Variants in N4BP1 observed in about 807,000 individuals in gnomAD.
N4BP1 encodes the protein NEDD4-binding protein 1.
A neutral mutation model predicts 70.9 loss-of-function variants in N4BP1; 21 were observed. The ratio of observed to expected loss-of-function variants is 0.30; its 90% CI spans 0.21 to 0.43. The LOEUF is 0.43. Ranked by LOEUF, N4BP1 falls within the 20% of genes least tolerant of loss-of-function variation. N4BP1 has a pLI of 1.00. For missense variants in N4BP1, 936 were observed against 1,069.4 expected, an observed-to-expected ratio of 0.88 and a Z score of 1.74; for synonymous variants, 387 against 394.6, an observed-to-expected ratio of 0.98 and a Z score of 0.23.
chr16:48,573,232 A>G (rs1964047839), intron 1 of N4BP1, among the ~76,000 whole-genome samples: 1 of 152,180 alleles, frequency 6.6e-6, no homozygotes, highest in Non-Finnish European at 1.5e-5. Context: ...ACTATATTGG[A>G]AAAACTGGGA....
At chr16:48,549,782 G>A (rs1165494643) in intron 4 of N4BP1, among the ~76,000 whole-genome samples, 2 of 152,160 alleles carry the variant, frequency 1.3e-5, no homozygotes, top group African/African-American at 2.4e-5. Flanking sequence ...CCTCTGCCCA[G>A]GCCCTCTTTT....
At chr16:48,568,947 C>G (rs1213602813) in intron 1 of N4BP1, among the ~76,000 whole-genome samples, 1 of 152,216 alleles carries the variant, frequency 6.6e-6, no homozygotes, top group Admixed American at 6.5e-5. Flanking sequence ...CTTGAAATGT[C>G]TTCAGCAGTT....
At chr16:48,602,699 C>A (rs529889668) in intron 1 of N4BP1, among the ~76,000 whole-genome samples, 50 of 152,174 alleles carry the variant, frequency 3.3e-4, no homozygotes, top group African/African-American at 1.1e-3. Flanking sequence ...CCCAGTATTA[C>A]ATCTATGAAT....
intron 1 of N4BP1, among the ~76,000 whole-genome samples, chr16:48,603,963 G>C (rs1411734531): frequency 6.6e-6 from 1 of 152,150 alleles, no homozygotes; most frequent in East Asian, 1.9e-4. Flanking sequence ...TTGCACTTCA[G>C]ACCCCCTTAC....
intron 1 of N4BP1, among the ~76,000 whole-genome samples, chr16:48,572,518 G>A (rs34796667): frequency 0.059 from 8,928 of 152,026 alleles, 398 homozygotes; most frequent in Admixed American, 0.12. Context: ...ATTACATATC[G>A]CATACAATAT....
At chr16:48,560,672 TA>T in intron 2 of N4BP1, 81 bp downstream of exon 2, 2 of 1,502,614 alleles carry the variant, frequency 1.3e-6, no homozygotes, top group South Asian at 2.7e-5. Flanking sequence ...AACATGTATG[TA>T]TAGTTCCCAT....
In N4BP1 at chr16:48,576,381, G is replaced by A. The variant is rs117097463; in HGVS notation, c.199-13937C>T. 7.5e-3 allele frequency among the ~76,000 whole-genome samples: 1,138 copies of A among 152,206 alleles called. 8 individuals are homozygous for A. Among genetic ancestry groups the A allele is most frequent in the Non-Finnish European group, 0.012 (826 of 68,014 alleles). On this transcript the variant is annotated intron_variant, in intron 1 of 6. Coordinates refer to ENST00000262384, the MANE Select transcript of N4BP1 (RefSeq NM_153029.4). Reference sequence around the variant, plus strand: ...CTATGAAGTTCATTCCTGGAAGGGTGCTTATCTGCCCCATAGGAAAGGACT... The same window carrying A: ...CTATGAAGTTCATTCCTGGAAGGGTACTTATCTGCCCCATAGGAAAGGACT...
intron 1 of N4BP1, among the ~76,000 whole-genome samples, chr16:48,577,223 T>G (rs943788871): frequency 2.0e-5 from 3 of 152,148 alleles, no homozygotes; most frequent in Admixed American, 2.0e-4. Context: ...CTGCTTGGAC[T>G]GTATGTAACA....
At chr16:48,549,320 G>C (rs550933801) in intron 4 of N4BP1, among the ~76,000 whole-genome samples, 1 of 152,208 alleles carries the variant, frequency 6.6e-6, no homozygotes, top group Non-Finnish European at 1.5e-5. Context: ...GGTGTGAGTT[G>C]TAAGTGGTAA....
chr16:48,554,558 TG>T (rs1325695532), intron 2 of N4BP1, among the ~76,000 whole-genome samples: 6 of 152,134 alleles, frequency 3.9e-5, no homozygotes. Flanking sequence ...TGTCTACTCA[TG>T]GGTATTAGAA....
Position 48,543,248 on chromosome 16 carries a change from G to A in N4BP1, c.2347C>T (p.Leu783=). The change falls in exon 7 of 7, where the codon CTA becomes TTA. Residue 783 remains leucine, a synonymous_variant. Transcript: ENST00000262384. ...CCCACATTTGGCAGGGCACTGAGTA[G>A]GGGCTGCATATCTCTGTGAATGGAA... The part of the protein sequence containing the change: ...KEVCLRDMQP[L]LSALPNVGMF... The A allele has an allele frequency of 6.6e-7, 1 of 1,524,648 alleles. No homozygotes were observed. Among genetic ancestry groups the A allele is most frequent in the Non-Finnish European group, 8.8e-7 (1 of 1,136,352 alleles). The allele number at this position is 1,524,648 out of a possible 1,614,324, so 94.4% of individuals were successfully genotyped here. A position where few individuals can be genotyped will look rare whatever the true frequency, so the allele number is the denominator to read the frequency against.
At chr16:48,567,584 G>A (rs1376381410) in intron 1 of N4BP1, among the ~76,000 whole-genome samples, 3 of 152,132 alleles carry the variant, frequency 2.0e-5, no homozygotes, top group African/African-American at 7.2e-5. Context: ...CTCCCAAAGT[G>A]CTGGGATTAC....
In N4BP1 at chr16:48,597,757, T is replaced by C. The variant is rs546131395; in HGVS notation, c.198+12018A>G. ...GAGTCAGATTTGAGGTTTCCTCATG[T>C]CTCGTCATCTAGTGGCCCTACAAAT... On this transcript the variant is annotated intron_variant, in intron 1 of 6. Coordinates refer to ENST00000262384, the MANE Select transcript of N4BP1 (RefSeq NM_153029.4). 2.8e-4 allele frequency among the ~76,000 whole-genome samples: 42 copies of C among 152,232 alleles called. 1 individual carries two copies. The highest frequency in any genetic ancestry group is 9.6e-4 in the African/African-American group (40 of 41,542).
At chr16:48,559,490 T>A (rs959233200) in intron 2 of N4BP1, among the ~76,000 whole-genome samples, 2 of 152,174 alleles carry the variant, frequency 1.3e-5, no homozygotes, top group African/African-American at 4.8e-5. Flanking sequence ...TAAATTAAAT[T>A]TGGCCTAAAG....
chr16:48,580,205 A>G (rs1000935798), intron 1 of N4BP1, among the ~76,000 whole-genome samples: 1 of 152,124 alleles, frequency 6.6e-6, no homozygotes, highest in African/African-American at 2.4e-5. Context: ...CCCTTTAGCT[A>G]GACTAAGAAA....
intron 1 of N4BP1, among the ~76,000 whole-genome samples, chr16:48,607,654 T>C (rs756241935): frequency 8.5e-5 from 13 of 152,210 alleles, no homozygotes; most frequent in Non-Finnish European, 1.9e-4. Context: ...AGGAAAGGAA[T>C]GAATGCACGT....
At chr16:48,554,955 G>A (rs528853480) in intron 2 of N4BP1, among the ~76,000 whole-genome samples, 1 of 152,286 alleles carries the variant, frequency 6.6e-6, no homozygotes, top group African/African-American at 2.4e-5. Context: ...AAAGGATCTG[G>A]CCAAGTGACC....
intron 1 of N4BP1, among the ~76,000 whole-genome samples, chr16:48,575,939 G>C (rs1171329151): frequency 6.6e-6 from 1 of 152,082 alleles, no homozygotes; most frequent in African/African-American, 2.4e-5. Flanking sequence ...TGGGAAAAGA[G>C]AAACTACACA....
At chr16:48,571,937 G>A (rs545259180) in intron 1 of N4BP1, among the ~76,000 whole-genome samples, 3 of 152,192 alleles carry the variant, frequency 2.0e-5, no homozygotes, top group South Asian at 4.1e-4. Flanking sequence ...GAGGTCACGA[G>A]CCTCTAATCC....
Sources: allele counts gnomAD v4.1 joint callset (sites outside exome capture counted in the v4.1 genomes callset), GRCh38; gene constraint gnomAD v4.1.1; transcripts MANE v1.5; gene names NCBI Gene and HGNC (gene_info 2026-07-23, HGNC 2026-07-21).